The following TMEM175 variants were observed in gnomAD, a reference collection of about 807,000 sequenced individuals.
TMEM175 encodes the protein transmembrane protein 175, also known as endosomal/lysosomal proton channel TMEM175.
A neutral mutation model predicts 36.5 loss-of-function variants in TMEM175; 36 were observed. That is an observed-to-expected ratio of 0.99 (90% CI 0.76 to 1.30). The LOEUF (loss-of-function observed/expected upper bound fraction) is 1.30, where lower values mean the gene tolerates loss of function less well. Among genes scored for constraint, TMEM175 ranks in the 50% most tolerant of loss-of-function variants. The pLI is 0.00. For synonymous variants in TMEM175, 339 were observed against 313.4 expected, an observed-to-expected ratio of 1.08 and a Z score of -0.86; for missense variants, 705 against 692.8, an observed-to-expected ratio of 1.02 and a Z score of -0.20.
At position 950,165 on chromosome 4, in the gene TMEM175, AAGGGGTGGGGGCTGG is replaced by A. The variant is rs571956142; in HGVS notation, c.193-241_193-227del. 2.0e-4 allele frequency among the ~76,000 whole-genome samples: 30 copies of A among 151,210 alleles called. No homozygotes were observed. The East Asian group carries it at 2.7e-3, about 14-fold the overall frequency. On this transcript the variant is annotated intron_variant, in intron 3 of 10. Coordinates refer to ENST00000264771, the MANE Select transcript of TMEM175 (RefSeq NM_032326.4). The stretch of plus-strand genomic sequence containing the variant: ...GTGGGCATGGATCAGCGCCCTGGAG[AAGGGGTGGGGGCTGG>A]AGGGGTGGGGGCTGCAGGTGCCAGG...
chr4:953,991 CTT>C (rs987522482), intron 8 of TMEM175, among the ~76,000 whole-genome samples: 1 of 150,268 alleles, frequency 6.7e-6, no homozygotes, highest in African/African-American at 2.5e-5. Flanking sequence ...CCTTTATTTT[CTT>C]TTTTTCTTTT....
chr4:956,045 C>T, intron 10 of TMEM175, 155 bp downstream of exon 10: 1 of 975,240 alleles, frequency 1.0e-6, no homozygotes. Context: ...GCAGCCCCCA[C>T]TTCAGGGAGG....
intron 1 of TMEM175, among the ~76,000 whole-genome samples, chr4:934,405 G>A (rs555593322): frequency 1.3e-5 from 2 of 151,760 alleles, no homozygotes; most frequent in African/African-American, 4.8e-5. Flanking sequence ...TAAGAGTGTC[G>A]AATGCCACTT....
intron 1 of TMEM175, among the ~76,000 whole-genome samples, chr4:942,311 T>G (rs1455044427): frequency 6.6e-6 from 1 of 152,072 alleles, no homozygotes; most frequent in African/African-American, 2.4e-5. Context: ...GTGATCCGCC[T>G]TCCTCAGCCT....
At chr4:955,952 G>A (rs1381960496) in intron 10 of TMEM175, 62 bp downstream of exon 10, 8 of 1,577,832 alleles carry the variant, frequency 5.1e-6, no homozygotes, top group Middle Eastern at 1.7e-4. Context: ...AGTCCCTGGC[G>A]TCTCATCCTG....
At chr4:945,621 G>T (rs763002333) in intron 1 of TMEM175, among the ~76,000 whole-genome samples, 1 of 152,096 alleles carries the variant, frequency 6.6e-6, no homozygotes, top group African/African-American at 2.4e-5. Flanking sequence ...TGTGCGTCTC[G>T]CCTTGGTGTG....
In TMEM175 at chr4:951,178, AT is replaced by A. The variant is rs777056919; in HGVS notation, c.291-27del. On this transcript the variant is annotated intron_variant, in intron 4 of 10. Transcript: ENST00000264771. ...TTTAATGTTACTACAACCGCGTTTT[AT>A]TGTCTATCTTTTTCTTAAATGGTTT... The A allele has an allele frequency of 3.5e-5, 56 of 1,611,162 alleles. No individual in the cohort carries two copies. In the South Asian group the frequency reaches 5.8e-4, roughly 17 times the overall value.
chr4:940,448 CAAAA>C (rs397879918), intron 1 of TMEM175, among the ~76,000 whole-genome samples: 3 of 91,372 alleles, frequency 3.3e-5, no homozygotes, highest in Non-Finnish European at 6.2e-5. Flanking sequence ...AACTCGATCT[CAAAA>C]AAAAAAAAAA....
rs542280300 is a variant in TMEM175, at chr4:951,913, C to T, written c.378+196C>T. 7 of 633,838 alleles carry T rather than the reference C, an allele frequency of 1.1e-5. 1 individual carries two copies. In the Admixed American group the frequency reaches 1.4e-4, roughly 13 times the overall value. The allele number at this position is 633,838 out of a possible 1,614,324, so 39.3% of individuals were successfully genotyped here. ...GGCTGGCGGGGAGGGGAGGCAGTGG[C>T]CCCGATGAGGGAGTCACCGGCGCTC... is the stretch of plus-strand genomic sequence containing the variant. On this transcript the variant is annotated intron_variant, in intron 6 of 10. Transcript: ENST00000264771.
At chr4:953,491 A>C in intron 8 of TMEM175, 137 bp downstream of exon 8, 1 of 1,118,130 alleles carries the variant, frequency 8.9e-7, no homozygotes, top group Non-Finnish European at 1.2e-6. Flanking sequence ...CTTGTGTGTG[A>C]GGCCCAGGGC....
At chr4:955,703 C>T (rs1399741214) in intron 9 of TMEM175, 52 bp from the exon 10 acceptor site, 1 of 1,595,214 alleles carries the variant, frequency 6.3e-7, no homozygotes, top group Non-Finnish European at 8.6e-7. Context: ...CACGCGGGCT[C>T]TACCTCCACA....
At chr4:933,983 T>G (rs891689611) in intron 1 of TMEM175, among the ~76,000 whole-genome samples, 3 of 152,258 alleles carry the variant, frequency 2.0e-5, no homozygotes, top group East Asian at 3.8e-4. Flanking sequence ...TGAAAACATC[T>G]TTGTGAAGAA....
chr4:958,229 T>C lies in TMEM175; in HGVS notation c.1248T>C (p.His416=), dbSNP rs772731979. 5.6e-6 allele frequency: 9 copies of C among 1,603,316 alleles called. No individual in the cohort carries two copies. Among genetic ancestry groups the C allele is most frequent in the African/African-American group, 1.3e-5 (1 of 74,998 alleles). ...CGGTGTGGTTTGGCGGCCGGGAGCATGTGCTCATGTTCGCCAAGCTGGCGC... is the reference window on the plus strand; with the variant it reads ...CGGTGTGGTTTGGCGGCCGGGAGCACGTGCTCATGTTCGCCAAGCTGGCGC... The part of the protein sequence containing the change: ...QPSVWFGGRE[H]VLMFAKLALY... The change falls in exon 11 of 11, where the codon CAT becomes CAC. Residue 416 remains histidine (H), a synonymous_variant. Transcript: ENST00000264771.
Position 932,803 on chromosome 4 carries a change from T to A in TMEM175, c.-32+263T>A, listed in dbSNP as rs570317066. Among the ~76,000 whole-genome samples the A allele has an allele frequency of 3.7e-4, 56 of 152,226 alleles. No individual in the cohort carries two copies. The highest frequency in any genetic ancestry group is 7.5e-4 in the Non-Finnish European group (51 of 68,040). On this transcript the variant is annotated intron_variant, in intron 1 of 10. Coordinates refer to ENST00000264771, the MANE Select transcript of TMEM175 (RefSeq NM_032326.4). This position sits in a 1 kb window ranked among gnomAD's most constrained non-coding sequence, Gnocchi z 4.0. ...TGGAGGTCGGAGTTTCCTGTGACGC[T>A]TAGTGAGTAAGGTTGGCAGCCCCCT...
intron 1 of TMEM175, among the ~76,000 whole-genome samples, chr4:939,464 C>T (rs1208836568): frequency 6.6e-6 from 1 of 151,640 alleles, no homozygotes; most frequent in African/African-American, 2.4e-5. Context: ...GCCTGTAATC[C>T]CAGCACTTTG....
intron 3 of TMEM175, chr4:948,603 T>C: frequency 2.3e-6 from 3 of 1,299,890 alleles, no homozygotes; most frequent in South Asian, 1.2e-5. Context: ...CGGCTGCTCC[T>C]GCAGGCCTGG....
At chr4:947,076 C>G (rs576064838) in intron 1 of TMEM175, among the ~76,000 whole-genome samples, 26 of 144,140 alleles carry the variant, frequency 1.8e-4, no homozygotes, top group Admixed American at 1.7e-3. Flanking sequence ...GAGCGCGGCC[C>G]CTGTAGAGAA....
At chr4:944,342 G>A (rs1454162744) in intron 1 of TMEM175, among the ~76,000 whole-genome samples, 1 of 152,170 alleles carries the variant, frequency 6.6e-6, no homozygotes, top group Non-Finnish European at 1.5e-5. Flanking sequence ...ACAGAAAACA[G>A]ATCAGTGGTT....
intron 1 of TMEM175, among the ~76,000 whole-genome samples, chr4:947,281 A>G (rs2153000363): frequency 6.8e-6 from 1 of 147,510 alleles, no homozygotes; most frequent in Non-Finnish European, 1.5e-5. Flanking sequence ...CCCTGTAGAG[A>G]ACAGACAGCC....
Sources: gnomAD v4.1 joint callset for allele counts (sites outside exome capture counted in the v4.1 genomes callset) on GRCh38, gnomAD v4.1.1 for gene constraint, Gnocchi (gnomAD v3.1) non-coding constraint, MANE v1.5 for transcripts, NCBI Gene and HGNC (gene_info 2026-07-23, HGNC 2026-07-21) for gene names.